MAL: variants seen among roughly 807,000 people sequenced by gnomAD.
The protein encoded by MAL is mal, T cell differentiation protein (MAL blood group), also known as myelin and lymphocyte protein.
Under a neutral mutation model 16.7 loss-of-function variants are expected in MAL, and 5 were observed. That is an observed-to-expected ratio of 0.30 (90% CI 0.16 to 0.63). The LOEUF (loss-of-function observed/expected upper bound fraction) is 0.63. MAL is among the 30% of genes least tolerant of loss of function. The probability of loss-of-function intolerance (pLI) is 0.82; values close to 1 mark genes in which losing one functional copy is unlikely to be tolerated. For synonymous variants in MAL, 96 were observed against 85.5 expected (o/e 1.12, Z -0.67); for missense variants, 202 against 195.8 (o/e 1.03, Z -0.19).
chr2:95,040,315 A>C (rs929177890), intron 1 of MAL, among the ~76,000 whole-genome samples: 6 of 152,096 alleles, frequency 3.9e-5, no homozygotes, highest in Non-Finnish European at 7.4e-5. Flanking sequence ...AAACACATAC[A>C]CATGCATACA....
chr2:95,037,924 C>CTGAG (rs748797921), intron 1 of MAL, among the ~76,000 whole-genome samples: 2 of 86,582 alleles, frequency 2.3e-5, no homozygotes, highest in Non-Finnish European at 4.7e-5. Flanking sequence ...GAGTGAGTGA[C>CTGAG]TGAGTGAGTG....
At chr2:95,048,493 G>A (rs908171488) in intron 2 of MAL, among the ~76,000 whole-genome samples, 1 of 152,230 alleles carries the variant, frequency 6.6e-6, no homozygotes, top group African/African-American at 2.4e-5. Context: ...GGCCGACCAA[G>A]GTGTTGGGCT....
At chr2:95,027,494 C>A (rs1225277169) in intron 1 of MAL, among the ~76,000 whole-genome samples, 1 of 152,186 alleles carries the variant, frequency 6.6e-6, no homozygotes, top group Non-Finnish European at 1.5e-5. Flanking sequence ...CCAGGAGACC[C>A]GCAATGCATA....
intron 1 of MAL, among the ~76,000 whole-genome samples, chr2:95,038,876 G>C (rs1279487553): frequency 3.8e-5 from 5 of 131,122 alleles, no homozygotes; most frequent in South Asian, 2.5e-4. Flanking sequence ...GACTGAGTGG[G>C]TGAGTGAGTG....
chr2:95,052,557 G>A (rs183532642), intron 3 of MAL, among the ~76,000 whole-genome samples: 15 of 152,226 alleles, frequency 9.9e-5, no homozygotes, highest in Admixed American at 3.9e-4. Flanking sequence ...TCACAGAGGC[G>A]TAGCCGCCCT....
chr2:95,029,953 G>T (rs1202598878), intron 1 of MAL, among the ~76,000 whole-genome samples: 1 of 152,194 alleles, frequency 6.6e-6, no homozygotes. Flanking sequence ...TGAAATGCTT[G>T]ATTATTTTTT....
At chr2:95,028,594 G>A (rs184563477) in intron 1 of MAL, among the ~76,000 whole-genome samples, 3 of 152,174 alleles carry the variant, frequency 2.0e-5, no homozygotes, top group Admixed American at 1.3e-4. Context: ...TCCAAGCAGG[G>A]ACTTTAGTAT....
Position 95,033,197 on chromosome 2 carries a change from G to A in MAL, c.93+7312G>A, listed in dbSNP as rs1674129553. Among the ~76,000 whole-genome samples, 6 of 152,232 alleles carry A rather than the reference G, an allele frequency of 3.9e-5. No individual in the cohort carries two copies. In the South Asian group the frequency reaches 1.0e-3, roughly 26 times the overall value. On this transcript the variant is annotated intron_variant, in intron 1 of 3. Transcript: ENST00000309988. Reference sequence around the variant, plus strand: ...GGGCACTCCAGGAATAGGGCCACGGGGAAGGACAGAAGATGACGTTCCCTG... The same window carrying A: ...GGGCACTCCAGGAATAGGGCCACGGAGAAGGACAGAAGATGACGTTCCCTG...
intron 1 of MAL, among the ~76,000 whole-genome samples, chr2:95,043,203 C>T (rs762308027): frequency 1.3e-5 from 2 of 152,224 alleles, no homozygotes; most frequent in African/African-American, 2.4e-5. Context: ...CTCCAAGGCT[C>T]GACTGACCCT....
At chr2:95,027,950 C>G (rs1673983632) in intron 1 of MAL, among the ~76,000 whole-genome samples, 1 of 152,078 alleles carries the variant, frequency 6.6e-6, no homozygotes, top group Non-Finnish European at 1.5e-5. Flanking sequence ...AGAAGATACA[C>G]AAATGGCCAA....
intron 2 of MAL, among the ~76,000 whole-genome samples, chr2:95,048,721 A>C (rs1248495401): frequency 6.6e-6 from 1 of 152,266 alleles, no homozygotes; most frequent in African/African-American, 2.4e-5. Flanking sequence ...CCATTTGGCC[A>C]AGGCTGTCAC....
intron 1 of MAL, among the ~76,000 whole-genome samples, chr2:95,032,170 A>G (rs2104331480): frequency 6.6e-6 from 1 of 152,386 alleles, no homozygotes. Flanking sequence ...TGCTGCCAGC[A>G]GCGCTCACAC....
At chr2:95,039,666 TGAG>T (rs1674393899) in intron 1 of MAL, among the ~76,000 whole-genome samples, 1 of 138,490 alleles carries the variant, frequency 7.2e-6, no homozygotes. Context: ...ACTGAGTGAG[TGAG>T]GACTGAGTGA....
At chr2:95,028,772 C>A (rs956999195) in intron 1 of MAL, among the ~76,000 whole-genome samples, 1 of 152,184 alleles carries the variant, frequency 6.6e-6, no homozygotes, top group African/African-American at 2.4e-5. Flanking sequence ...ACCTTGAAAA[C>A]TCTATGCTAA....
At chr2:95,036,353 G>C (rs1674205789) in intron 1 of MAL, among the ~76,000 whole-genome samples, 1 of 152,266 alleles carries the variant, frequency 6.6e-6, no homozygotes, top group African/African-American at 2.4e-5. Context: ...CAACTACCGG[G>C]CTCTGTACCT....
At chr2:95,034,846 C>A (rs1347080273) in intron 1 of MAL, among the ~76,000 whole-genome samples, 1 of 152,188 alleles carries the variant, frequency 6.6e-6, no homozygotes, top group Non-Finnish European at 1.5e-5. Context: ...GGAAGCCCAC[C>A]CTTCTAGCAC....
intron 1 of MAL, among the ~76,000 whole-genome samples, chr2:95,028,650 C>A (rs938568687): frequency 6.6e-6 from 1 of 152,176 alleles, no homozygotes; most frequent in African/African-American, 2.4e-5. Flanking sequence ...TAACACACAG[C>A]CCAGTGGCCA....
rs934921665 is a variant in MAL, at chr2:95,053,373, G to A, written c.388-8G>A. ...AAACCCATTAACGGCCATTTCTCTT[G>A]GTTCCAGGTGTTCTCCTACATAGCC... On this transcript the variant is annotated splice_polypyrimidine_tract_variant and splice_region_variant and intron_variant, in intron 3 of 3. Coordinates refer to ENST00000309988, the MANE Select transcript of MAL (RefSeq NM_002371.4). 11 of 1,604,096 alleles carry A rather than the reference G, an allele frequency of 6.9e-6. No individual in the cohort carries two copies. The highest frequency in any genetic ancestry group is 9.4e-6 in the Non-Finnish European group (11 of 1,171,390).
At chr2:95,030,728 C>T (rs1266673201) in intron 1 of MAL, among the ~76,000 whole-genome samples, 2 of 152,230 alleles carry the variant, frequency 1.3e-5, no homozygotes, top group Non-Finnish European at 2.9e-5. Context: ...GGGGCATGCC[C>T]TTCCTCCTCT....
Sources: allele counts gnomAD v4.1 joint callset (sites outside exome capture counted in the v4.1 genomes callset), GRCh38; gene constraint gnomAD v4.1.1; transcripts MANE v1.5; gene names NCBI Gene and HGNC (gene_info 2026-07-23, HGNC 2026-07-21).